Variants in SUGCT observed in about 807,000 individuals in gnomAD.
The protein encoded by SUGCT is succinyl-CoA:glutarate CoA-transferase.
In SUGCT, 41 loss-of-function variants were observed where a neutral mutation model predicts 55.0. The observed-to-expected ratio is 0.74, with a 90% CI of 0.58 to 0.97. The LOEUF (loss-of-function observed/expected upper bound fraction) is 0.97. Among genes scored for constraint, SUGCT ranks in the 50% least tolerant of loss-of-function variants. SUGCT has a pLI of 0.00. For missense variants in SUGCT, 568 were observed against 547.8 expected, an observed-to-expected ratio of 1.04 and a Z score of -0.37; for synonymous variants, 187 against 200.4, an observed-to-expected ratio of 0.93 and a Z score of 0.56.
At position 40,471,158 on chromosome 7, in the gene SUGCT, C is replaced by G. The variant is rs1473546188; in HGVS notation, c.986+11960C>G. On this transcript the variant is annotated intron_variant, in intron 11 of 13. Transcript: ENST00000335693. ...CAAAATATACAAATATATTCTAAAA[C>G]ACAGAAATTTGGAATTATGAGAAAG... Among the ~76,000 whole-genome samples, 8 of 151,838 alleles carry G rather than the reference C, an allele frequency of 5.3e-5. No homozygotes were observed. The East Asian group carries it at 1.5e-3, about 29-fold the overall frequency.
At chr7:40,147,309 A>G (rs1422197542) in intron 1 of SUGCT, among the ~76,000 whole-genome samples, 1 of 152,032 alleles carries the variant, frequency 6.6e-6, no homozygotes, top group East Asian at 1.9e-4. Context: ...CCTCTTTTTG[A>G]GGTTCAACCC....
chr7:40,349,688 T>C (rs539970433), intron 9 of SUGCT, among the ~76,000 whole-genome samples: 1 of 152,176 alleles, frequency 6.6e-6, no homozygotes, highest in Non-Finnish European at 1.5e-5. Flanking sequence ...ATGGTTTTTT[T>C]TGGAGGCAGG....
chr7:41,019,522 C>T, the SUGCT span, among the ~76,000 whole-genome samples: 13 of 152,150 alleles, frequency 8.5e-5, no homozygotes, highest in African/African-American at 2.7e-4. Flanking sequence ...TAGCAGCTGC[C>T]GTCATGTTGT....
At chr7:40,664,776 C>T (rs999460402) in intron 12 of SUGCT, among the ~76,000 whole-genome samples, 34 of 151,340 alleles carry the variant, frequency 2.2e-4, no homozygotes, top group East Asian at 2.0e-4. Flanking sequence ...GTCAGGAGAT[C>T]GAGACCATCC....
At chr7:40,529,104 T>C (rs1474093452) in intron 12 of SUGCT, among the ~76,000 whole-genome samples, 1 of 152,150 alleles carries the variant, frequency 6.6e-6, no homozygotes, top group Non-Finnish European at 1.5e-5. Context: ...GGAAGATCAC[T>C]GAAGGGGAAG....
intron 12 of SUGCT, among the ~76,000 whole-genome samples, chr7:40,520,868 A>G (rs192678741): frequency 1.5e-3 from 227 of 152,290 alleles, no homozygotes; most frequent in African/African-American, 2.8e-3. Context: ...GAATGGAGAT[A>G]TTTAAAGGGG....
chr7:40,140,933 G>C (rs1372056216), intron 1 of SUGCT, among the ~76,000 whole-genome samples: 1 of 152,108 alleles, frequency 6.6e-6, no homozygotes, highest in East Asian at 1.9e-4. Flanking sequence ...ATTGCTTTGG[G>C]CACAATGGTC....
In SUGCT at chr7:40,237,648, A is replaced by C. The variant is rs1042254679; in HGVS notation, c.498A>C (p.Thr166=). The change falls in exon 7 of 14, where the codon ACA becomes ACC. Residue 166 remains threonine (T), a synonymous_variant. Coordinates refer to ENST00000335693, the MANE Select transcript of SUGCT (RefSeq NM_001193313.2). ...IYCSITGYGQ[T]GPISQRAGYD... The stretch of plus-strand genomic sequence containing the variant: ...TTGTTGTTTTAGGGTATGGTCAGAC[A>C]GGTCCAATTTCTCAGCGAGCTGGTT... 6.2e-7 allele frequency: 1 copy of C among 1,613,908 alleles called. No homozygotes were observed. The highest frequency in any genetic ancestry group is 8.5e-7 in the Non-Finnish European group (1 of 1,179,820).
chr7:40,724,423 C>T lies in SUGCT; in HGVS notation c.1090-25011C>T, dbSNP rs992993875. On this transcript the variant is annotated intron_variant, in intron 12 of 13. Coordinates refer to ENST00000335693, the MANE Select transcript of SUGCT (RefSeq NM_001193313.2). ...TACTAAAAATACAAAAAATTAACGG[C>T]GTGGCAGCGTGCGCCTGTAGTCCCA... 4.2e-5 allele frequency among the ~76,000 whole-genome samples: 6 copies of T among 143,292 alleles called. No homozygotes were observed. In the East Asian group the frequency reaches 6.1e-4, roughly 15 times the overall value. The allele number at this position is 143,292 out of a possible 152,430, so 94.0% of individuals were successfully genotyped here. A position where few individuals can be genotyped will look rare whatever the true frequency, so the allele number is the denominator to read the frequency against.
chr7:40,747,320 T>G (rs1562978129), intron 12 of SUGCT, among the ~76,000 whole-genome samples: 1 of 152,202 alleles, frequency 6.6e-6, no homozygotes, highest in African/African-American at 2.4e-5. Context: ...AGTTCTAAAC[T>G]TAAAAGGTCA....
the SUGCT span, among the ~76,000 whole-genome samples, chr7:40,962,568 C>T: frequency 1.8e-4 from 1 of 5,492 alleles, no homozygotes; most frequent in African/African-American, 6.5e-4. Flanking sequence ...AGGTAAATCA[C>T]ACACACACAC....
intron 6 of SUGCT, among the ~76,000 whole-genome samples, chr7:40,205,311 T>C (rs956620054): frequency 6.6e-6 from 1 of 150,700 alleles, no homozygotes; most frequent in Non-Finnish European, 1.5e-5. Flanking sequence ...ATGTATTGGA[T>C]TGGAACATGG....
intron 9 of SUGCT, among the ~76,000 whole-genome samples, chr7:40,440,032 C>T (rs1788417730): frequency 6.6e-6 from 1 of 151,962 alleles, no homozygotes; most frequent in Middle Eastern, 3.2e-3. Context: ...CACTTAACTC[C>T]CTTTTTTTCC....
the SUGCT span, among the ~76,000 whole-genome samples, chr7:41,026,865 C>T: frequency 6.6e-6 from 1 of 152,044 alleles, no homozygotes; most frequent in African/African-American, 2.4e-5. Context: ...AATCCCGTCT[C>T]TACTAAAAAT....
At chr7:41,016,545 TA>T in the SUGCT span, among the ~76,000 whole-genome samples, 1 of 152,184 alleles carries the variant, frequency 6.6e-6, no homozygotes, top group Non-Finnish European at 1.5e-5. Flanking sequence ...GTGGAAAATC[TA>T]AGCAACATAT....
chr7:40,851,734 A>G (rs1299580270), intron 13 of SUGCT, among the ~76,000 whole-genome samples: 1 of 152,204 alleles, frequency 6.6e-6, no homozygotes, highest in Non-Finnish European at 1.5e-5. Flanking sequence ...GTCCATAGAT[A>G]TTTGTCTGTT....
chr7:41,017,406 C>A, the SUGCT span, among the ~76,000 whole-genome samples: 5 of 152,294 alleles, frequency 3.3e-5, no homozygotes, highest in East Asian at 9.7e-4. Flanking sequence ...CAGTTTCACA[C>A]TTGTCAGTCC....
intron 12 of SUGCT, among the ~76,000 whole-genome samples, chr7:40,641,925 G>A (rs1324558228): frequency 1.3e-5 from 2 of 152,044 alleles, no homozygotes; most frequent in Non-Finnish European, 2.9e-5. Flanking sequence ...GTTAGGGGAG[G>A]CACTCTTTCA....
chr7:41,024,461 C>T, the SUGCT span, among the ~76,000 whole-genome samples: 1 of 152,078 alleles, frequency 6.6e-6, no homozygotes, highest in Non-Finnish European at 1.5e-5. Context: ...ACAAAGAATC[C>T]ATATCTAGAA....
Sources: gnomAD v4.1 joint callset for allele counts (sites outside exome capture counted in the v4.1 genomes callset) on GRCh38, gnomAD v4.1.1 for gene constraint, MANE v1.5 for transcripts, NCBI Gene and HGNC (gene_info 2026-07-23, HGNC 2026-07-21) for gene names.